SERGEF: variants seen among roughly 807,000 people sequenced by gnomAD.
The protein encoded by SERGEF is secretion-regulating guanine nucleotide exchange factor.
In SERGEF, 51 loss-of-function variants were observed where a neutral mutation model predicts 50.0. The ratio of observed to expected loss-of-function variants is 1.02; its 90% CI spans 0.81 to 1.29. The LOEUF is 1.29. SERGEF is among the 50% of genes most tolerant of loss of function. SERGEF has a pLI of 0.00. For synonymous variants in SERGEF, 205 were observed against 212.4 expected (o/e 0.97, Z 0.30); for missense variants, 521 against 557.0 (o/e 0.94, Z 0.65).
intron 1 of SERGEF, chr11:18,010,080 G>A (rs1305510214): frequency 7.3e-6 from 9 of 1,225,332 alleles, no homozygotes; most frequent in Non-Finnish European, 6.4e-6. Flanking sequence ...CCTACTCCTA[G>A]CTGGTTCTTC....
chr11:17,889,217 T>C (rs1016014739), intron 9 of SERGEF, among the ~76,000 whole-genome samples: 1 of 152,232 alleles, frequency 6.6e-6, no homozygotes, highest in African/African-American at 2.4e-5. Flanking sequence ...GGTATTCACA[T>C]AGTCTTAAAG....
chr11:17,892,199 C>A (rs1851544488), intron 9 of SERGEF, among the ~76,000 whole-genome samples: 1 of 152,208 alleles, frequency 6.6e-6, no homozygotes, highest in South Asian at 2.1e-4. Context: ...CTCCTCATAT[C>A]CACATCCTTT....
At chr11:17,866,147 C>T (rs1387665005) in intron 10 of SERGEF, among the ~76,000 whole-genome samples, 1 of 152,218 alleles carries the variant, frequency 6.6e-6, no homozygotes, top group East Asian at 1.9e-4. Context: ...GAGAAAGCCC[C>T]TTGAGAATCA....
At chr11:17,978,471 G>A (rs1312119069) in intron 8 of SERGEF, among the ~76,000 whole-genome samples, 1 of 152,278 alleles carries the variant, frequency 6.6e-6, no homozygotes, top group African/African-American at 2.4e-5. Flanking sequence ...GGGCAGAGGC[G>A]AGCAGAAAAG....
chr11:17,971,804 A>C (rs1853253956), intron 8 of SERGEF, among the ~76,000 whole-genome samples: 1 of 152,214 alleles, frequency 6.6e-6, no homozygotes, highest in African/African-American at 2.4e-5. Context: ...GATTCCTCTG[A>C]TGGATATGGG....
At position 17,971,510 on chromosome 11, in the gene SERGEF, C is replaced by G. The variant is rs138488640; in HGVS notation, c.845-11874G>C. Among the ~76,000 whole-genome samples, 349 of 152,288 alleles carry G rather than the reference C, an allele frequency of 2.3e-3. 1 individual carries two copies. The highest frequency in any genetic ancestry group is 8.1e-3 in the African/African-American group (338 of 41,566). ...GTGCTCCAGAAATGGAACAACAGAG[C>G]CTGGATGATAGCACATCTGTTTATA... On this transcript the variant is annotated intron_variant, in intron 8 of 10. Coordinates refer to ENST00000265965, the MANE Select transcript of SERGEF (RefSeq NM_012139.4).
intron 10 of SERGEF, among the ~76,000 whole-genome samples, chr11:17,832,575 T>C (rs1447987417): frequency 6.6e-6 from 1 of 151,840 alleles, no homozygotes; most frequent in Non-Finnish European, 1.5e-5. Context: ...CAGGCAGAGG[T>C]TGGAACAGTT....
At chr11:17,825,107 C>T (rs75981579) in intron 10 of SERGEF, among the ~76,000 whole-genome samples, 3,292 of 152,288 alleles carry the variant, frequency 0.022, 120 homozygotes, top group African/African-American at 0.076. Context: ...TCATTAATCA[C>T]TTTCATCCAT....
At chr11:17,864,869 C>A (rs1008429203) in intron 10 of SERGEF, among the ~76,000 whole-genome samples, 1 of 152,132 alleles carries the variant, frequency 6.6e-6, no homozygotes, top group Non-Finnish European at 1.5e-5. Flanking sequence ...TTGGGTAATG[C>A]CTTAGGACTG....
intron 8 of SERGEF, among the ~76,000 whole-genome samples, chr11:17,974,967 T>C (rs543924562): frequency 6.6e-6 from 1 of 152,304 alleles, no homozygotes; most frequent in African/African-American, 2.4e-5. Flanking sequence ...GAGAAACTAA[T>C]GGCTAGAAGC....
rs758559659 is a variant in SERGEF, at chr11:17,980,352, T to G, written c.844+8245A>C. ...GCTAAAGTATCTTGCCTCTCTTCCA[T>G]GCAACCTCCGAATTGAGGCCCGTGC... On this transcript the variant is annotated intron_variant, in intron 8 of 10. Transcript: ENST00000265965. Among the ~76,000 whole-genome samples, 3 of 152,278 alleles carry G rather than the reference T, an allele frequency of 2.0e-5. No individual in the cohort carries two copies. In the East Asian group the frequency reaches 5.8e-4, roughly 29 times the overall value.
chr11:17,812,016 T>C (rs1482246921), intron 10 of SERGEF, among the ~76,000 whole-genome samples: 1 of 152,190 alleles, frequency 6.6e-6, no homozygotes, highest in African/African-American at 2.4e-5. Context: ...GCAGTTCCAG[T>C]GCTTGCAGAG....
Position 17,856,217 on chromosome 11 carries a change from C to T in SERGEF, c.1048+21991G>A, listed in dbSNP as rs79226878. The T allele has an allele frequency of 8.4e-3, 1,288 of 152,776 alleles. 11 individuals are homozygous for T. The highest frequency in any genetic ancestry group is 0.013 in the Non-Finnish European group (892 of 68,114). The allele number at this position is 152,776 out of a possible 1,614,324, so 9.5% of individuals were successfully genotyped here. A position where few individuals can be genotyped will look rare whatever the true frequency, so the allele number is the denominator to read the frequency against. ...CTCATCCTTTACCCTCTGTCAATATCTCTGCTGCCCATGGCTGGCTCCCCT... is the reference window on the plus strand; with the variant it reads ...CTCATCCTTTACCCTCTGTCAATATTTCTGCTGCCCATGGCTGGCTCCCCT... On this transcript the variant is annotated intron_variant, in intron 10 of 10. Coordinates refer to ENST00000265965, the MANE Select transcript of SERGEF (RefSeq NM_012139.4).
chr11:17,858,679 CA>C (rs1850869175), intron 10 of SERGEF, among the ~76,000 whole-genome samples: 1 of 152,050 alleles, frequency 6.6e-6, no homozygotes, highest in Non-Finnish European at 1.5e-5. Context: ...AGAATCTCAG[CA>C]GAAGACCACA....
At chr11:17,866,173 T>C (rs1851018836) in intron 10 of SERGEF, among the ~76,000 whole-genome samples, 1 of 152,248 alleles carries the variant, frequency 6.6e-6, no homozygotes, top group Admixed American at 6.5e-5. Flanking sequence ...CATCTCCTTC[T>C]GAATAGCACA....
At position 17,847,069 on chromosome 11, in the gene SERGEF, G is replaced by A. The variant is rs112789280; in HGVS notation, c.1048+31139C>T. On this transcript the variant is annotated intron_variant, in intron 10 of 10. Coordinates refer to ENST00000265965, the MANE Select transcript of SERGEF (RefSeq NM_012139.4). Reference sequence around the variant, plus strand: ...GAAGTGAGCAAGCCTCCTGGTGACAGGGGAGGCTGTTCCTTTATCAGGCAG... The same window carrying A: ...GAAGTGAGCAAGCCTCCTGGTGACAAGGGAGGCTGTTCCTTTATCAGGCAG... 2.9e-3 allele frequency among the ~76,000 whole-genome samples: 448 copies of A among 152,352 alleles called. 2 individuals carry two copies. The highest frequency in any genetic ancestry group is 0.01 in the African/African-American group (430 of 41,578).
intron 5 of SERGEF, chr11:17,999,610 A>C: frequency 2.2e-6 from 1 of 455,508 alleles, no homozygotes; most frequent in East Asian, 6.9e-5. Flanking sequence ...AAAAATGAAA[A>C]GGGGAGAGAT....
At chr11:17,994,250 G>A (rs538898563) in intron 6 of SERGEF, among the ~76,000 whole-genome samples, 4 of 152,174 alleles carry the variant, frequency 2.6e-5, no homozygotes, top group Non-Finnish European at 4.4e-5. Flanking sequence ...CGAGACGGGT[G>A]GATGACGAGG....
Position 18,006,364 on chromosome 11 carries a change from C to T in SERGEF, c.352+227G>A, listed in dbSNP as rs186204984. ...CTAATTTTTGTATTTTTAGTAGAGA[C>T]GGGGTTTTACCATGTTGGCCAGGGT... On this transcript the variant is annotated intron_variant, in intron 3 of 10. Coordinates refer to ENST00000265965, the MANE Select transcript of SERGEF (RefSeq NM_012139.4). Among the ~76,000 whole-genome samples, 9 of 152,176 alleles carry T rather than the reference C, an allele frequency of 5.9e-5. 1 individual carries two copies. Among genetic ancestry groups the T allele is most frequent in the Admixed American group, 2.6e-4 (4 of 15,288 alleles).
Sources: gnomAD v4.1 joint callset for allele counts (sites outside exome capture counted in the v4.1 genomes callset) on GRCh38, gnomAD v4.1.1 for gene constraint, MANE v1.5 for transcripts, NCBI Gene and HGNC (gene_info 2026-07-23, HGNC 2026-07-21) for gene names.